Variants in GJA8 observed in about 807,000 individuals in gnomAD.
GJA8 encodes gap junction alpha-8 protein.
In GJA8, 13 loss-of-function variants were observed where a neutral mutation model predicts 15.3. The ratio of observed to expected loss-of-function variants is 0.85; its 90% CI spans 0.55 to 1.35. The LOEUF is 1.35. Among genes scored for constraint, GJA8 ranks in the 40% most tolerant of loss-of-function variants. The pLI is 0.00. For synonymous variants in GJA8, 304 were observed against 238.7 expected (o/e 1.27, Z -2.52); for missense variants, 607 against 553.3 (o/e 1.10, Z -0.97).
downstream of GJA8, among the ~76,000 whole-genome samples, chr1:147,913,182 T>C (rs1241749862): frequency 6.6e-6 from 1 of 152,122 alleles, no homozygotes; most frequent in Non-Finnish European, 1.5e-5. Context: ...CACAAGATGT[T>C]ATAGGTCTTT....
chr1:147,908,519 C>T lies in GJA8; in HGVS notation c.564C>T (p.Cys188=). The T allele has an allele frequency of 6.2e-7, 1 of 1,614,152 alleles. No homozygotes were observed. Residue 188 remains cysteine, a synonymous_variant, in exon 2 of 2, where the codon TGC becomes TGT. Transcript: ENST00000369235. ...TGTACCGCTGCAGCCGGTGGCCCTGCCCCAATGTGGTGGACTGCTTCGTGT... is the reference window on the plus strand; with the variant it reads ...TGTACCGCTGCAGCCGGTGGCCCTGTCCCAATGTGGTGGACTGCTTCGTGT... ...LPLYRCSRWP[C]PNVVDCFVSR...
At position 147,907,948 on chromosome 1, in the gene GJA8, G is replaced by A. The variant is rs782535513; in HGVS notation, c.-8G>A. 10 of 1,607,668 alleles carry A rather than the reference G, an allele frequency of 6.2e-6. No homozygotes were observed. In the Middle Eastern group the frequency reaches 6.6e-4, roughly 106 times the overall value. ...GCCTTCTCCCTCATTTCTTCAGGTGGGTGAGAAATGGGCGACTGGAGTTTC... is the reference window on the plus strand; with the variant it reads ...GCCTTCTCCCTCATTTCTTCAGGTGAGTGAGAAATGGGCGACTGGAGTTTC... On this transcript the variant is annotated 5_prime_UTR_variant, in exon 2 of 2. Coordinates refer to ENST00000369235, the MANE Select transcript of GJA8 (RefSeq NM_005267.5).
chr1:147,909,297 G>A (rs377572407), downstream of GJA8: 626 of 1,379,020 alleles, frequency 4.5e-4, 9 homozygotes, highest in South Asian at 6.2e-3. Flanking sequence ...CCAAGCTTAC[G>A]TAGGGCAAGA....
Position 147,908,254 on chromosome 1 carries a change from T to C in GJA8, c.299T>C (p.Val100Ala). ...TACGTGGGGCACGCGGTGCACTACG[T>C]CCGCATGGAGGAGAAGCGCAAAAGC... ...LMYVGHAVHYVRMEEKRKSRE... is the reference protein window; with the variant it reads ...LMYVGHAVHYARMEEKRKSRE... Residue 100 changes from valine (V) to alanine (A), a missense_variant, in exon 2 of 2, where the codon GTC becomes GCC. Coordinates refer to ENST00000369235, the MANE Select transcript of GJA8 (RefSeq NM_005267.5). 6.2e-7 allele frequency: 1 copy of C among 1,614,130 alleles called. No individual in the cohort carries two copies. The highest frequency in any genetic ancestry group is 1.1e-5 in the South Asian group (1 of 91,082).
chr1:147,908,771 G>T lies in GJA8; in HGVS notation c.816G>T (p.Glu272Asp). The stretch of plus-strand genomic sequence containing the variant: ...AGGGCTATCAGCTCCTAGAAGAAGA[G>T]AAAATCGTTTCCCACTATTTCCCCT... ...KAKGYQLLEE[E>D]KIVSHYFPLT... The change falls in exon 2 of 2, where the codon GAG becomes GAT. Residue 272 changes from glutamate to aspartate, a missense_variant. Glu to Asp is a conservative substitution (Grantham distance 45). Transcript: ENST00000369235. 6.2e-7 allele frequency: 1 copy of T among 1,614,178 alleles called. No individual in the cohort carries two copies. The highest frequency in any genetic ancestry group is 1.1e-5 in the South Asian group (1 of 91,086).
intron 1 of GJA8, among the ~76,000 whole-genome samples, chr1:147,905,160 T>G (rs988990522): frequency 2.0e-5 from 3 of 152,242 alleles, no homozygotes; most frequent in Non-Finnish European, 4.4e-5. Flanking sequence ...TGAAGTTCCT[T>G]GGTCTCTAGT....
Position 147,908,520 on chromosome 1 carries a change from C to G in GJA8, c.565C>G (p.Pro189Ala). 6.2e-7 allele frequency: 1 copy of G among 1,614,138 alleles called. No homozygotes were observed. Among genetic ancestry groups the G allele is most frequent in the Non-Finnish European group, 8.5e-7 (1 of 1,180,020 alleles). ...PLYRCSRWPC[P>A]NVVDCFVSRP... ...GTACCGCTGCAGCCGGTGGCCCTGC[C>G]CCAATGTGGTGGACTGCTTCGTGTC... Residue 189 changes from proline (P) to alanine (A), a missense_variant, in exon 2 of 2, where the codon CCC becomes GCC. By Grantham distance (27) the Pro-to-Ala change is conservative. Transcript: ENST00000369235.
At chr1:147,902,980 G>T (rs1470504722) in intron 1 of GJA8, among the ~76,000 whole-genome samples, 119 bp downstream of exon 1, 1 of 152,136 alleles carries the variant, frequency 6.6e-6, no homozygotes, top group Admixed American at 6.5e-5. Flanking sequence ...ATAAGATTCA[G>T]TCTTGGGCTG....
At chr1:147,909,909 G>C (rs1652037716), downstream of GJA8, among the ~76,000 whole-genome samples, 1 of 152,118 alleles carries the variant, frequency 6.6e-6, no homozygotes, top group Non-Finnish European at 1.5e-5. Flanking sequence ...GCCCAGGCTG[G>C]GGTGCAGTGG....
chr1:147,909,198 C>A lies in GJA8; in HGVS notation c.1243C>A (p.Pro415Thr), dbSNP rs1418947351. The A allele has an allele frequency of 1.2e-6, 2 of 1,613,892 alleles. No individual in the cohort carries two copies. The highest frequency in any genetic ancestry group is 4.5e-5 in the East Asian group (2 of 44,876). The change falls in exon 2 of 2, where the codon CCC becomes ACC. Residue 415 changes from proline to threonine, a missense_variant. Transcript: ENST00000369235. ...CPELTTDDAR[P>T]LSRLSKASSR... ...AGAGCTGACAACAGATGATGCCAGA[C>A]CCCTGAGCAGGCTAAGCAAAGCCAG...
downstream of GJA8, among the ~76,000 whole-genome samples, chr1:147,909,757 G>A (rs1436266632): frequency 6.6e-6 from 1 of 152,238 alleles, no homozygotes; most frequent in Admixed American, 6.5e-5. Context: ...ATGCAAGGGA[G>A]AGAATGGGGC....
chr1:147,913,541 G>C (rs781996193), downstream of GJA8, among the ~76,000 whole-genome samples: 22 of 152,178 alleles, frequency 1.4e-4, no homozygotes, highest in Non-Finnish European at 2.9e-4. Flanking sequence ...ACTCATGGCA[G>C]AAGGGGCTCC....
chr1:147,908,267 G>C lies in GJA8; in HGVS notation c.312G>C (p.Glu104Asp), dbSNP rs782093190. 6.2e-7 allele frequency: 1 copy of C among 1,614,218 alleles called. No homozygotes were observed. The highest frequency in any genetic ancestry group is 8.5e-7 in the Non-Finnish European group (1 of 1,180,026). The change falls in exon 2 of 2, where the codon GAG becomes GAC. Residue 104 changes from glutamate (E) to aspartate (D), a missense_variant. Coordinates refer to ENST00000369235, the MANE Select transcript of GJA8 (RefSeq NM_005267.5). ...GHAVHYVRME[E>D]KRKSREAEEL... ...CGGTGCACTACGTCCGCATGGAGGAGAAGCGCAAAAGCCGCGAGGCGGAGG... is the reference window on the plus strand; with the variant it reads ...CGGTGCACTACGTCCGCATGGAGGACAAGCGCAAAAGCCGCGAGGCGGAGG...
At chr1:147,910,406 C>A (rs1450478671), downstream of GJA8, among the ~76,000 whole-genome samples, 1 of 152,142 alleles carries the variant, frequency 6.6e-6, no homozygotes. Flanking sequence ...TTGTTTAAAT[C>A]ATCAGTCCAG....
chr1:147,903,884 T>A (rs1651694789), intron 1 of GJA8, among the ~76,000 whole-genome samples: 1 of 152,144 alleles, frequency 6.6e-6, no homozygotes, highest in Admixed American at 6.5e-5. Flanking sequence ...TCCCCTTTTA[T>A]GAAATGATGA....
At chr1:147,913,668 G>A (rs747766661), downstream of GJA8, among the ~76,000 whole-genome samples, 4 of 152,136 alleles carry the variant, frequency 2.6e-5, no homozygotes, top group African/African-American at 4.8e-5. Flanking sequence ...GTCATTAGGC[G>A]TGCTCTAAGT....
Position 147,907,752 on chromosome 1 carries a change from G to A in GJA8, c.-11-193G>A, listed in dbSNP as rs181791495. Among the ~76,000 whole-genome samples the A allele has an allele frequency of 3.7e-3, 563 of 152,296 alleles. 3 individuals are homozygous for A. Among genetic ancestry groups the A allele is most frequent in the Middle Eastern group, 6.8e-3 (2 of 294 alleles). On this transcript the variant is annotated intron_variant, in intron 1 of 1. Coordinates refer to ENST00000369235, the MANE Select transcript of GJA8 (RefSeq NM_005267.5). ...CATTTTACAGATGAGGAAGCGGATG[G>A]AAGCACATTCTTCGGGGCCTTCTTT...
intron 1 of GJA8, among the ~76,000 whole-genome samples, chr1:147,905,611 C>T (rs1333755309): frequency 1.3e-5 from 2 of 152,196 alleles, no homozygotes; most frequent in African/African-American, 4.8e-5. Context: ...GAACTTTTTC[C>T]TGGCTCTGCC....
chr1:147,904,224 C>T (rs782108181), intron 1 of GJA8, among the ~76,000 whole-genome samples: 9 of 152,244 alleles, frequency 5.9e-5, no homozygotes, highest in African/African-American at 2.2e-4. Context: ...TGAGTCACCA[C>T]GCCCAGCCAA....
Sources: allele counts gnomAD v4.1 joint callset (sites outside exome capture counted in the v4.1 genomes callset), GRCh38; gene constraint gnomAD v4.1.1; transcripts MANE v1.5; gene names NCBI Gene and HGNC (gene_info 2026-07-23, HGNC 2026-07-21).